GPHN: variants seen among roughly 807,000 people sequenced by gnomAD.
The protein encoded by GPHN is gephyrin.
In GPHN, 17 loss-of-function variants were observed where a neutral mutation model predicts 95.5. The observed-to-expected ratio is 0.18, with a 90% CI of 0.12 to 0.27. The LOEUF is 0.27. Ranked by LOEUF, GPHN falls within the 10% of genes least tolerant of loss-of-function variation. The probability of loss-of-function intolerance (pLI) is 1.00; values close to 1 mark genes in which losing one functional copy is unlikely to be tolerated. For synonymous variants in GPHN, 320 were observed against 322.5 expected (o/e 0.99, Z 0.08); for missense variants, 660 against 978.1 (o/e 0.67, Z 4.34).
At chr14:67,020,863 G>A (rs570577742) in intron 9 of GPHN, among the ~76,000 whole-genome samples, 3 of 152,092 alleles carry the variant, frequency 2.0e-5, no homozygotes, top group Admixed American at 2.0e-4. Flanking sequence ...TTTAACGTTA[G>A]GCCAAAAACT....
the GPHN span, chr14:67,302,514 A>G: frequency 6.3e-7 from 1 of 1,594,878 alleles, no homozygotes; most frequent in East Asian, 2.3e-5. Flanking sequence ...ATGAAGTTCT[A>G]GAGATTAATG....
the GPHN span, among the ~76,000 whole-genome samples, chr14:67,396,130 G>GT: frequency 1.3e-5 from 2 of 151,778 alleles, no homozygotes; most frequent in Non-Finnish European, 2.9e-5. Context: ...AGGTCGCTTT[G>GT]TTTTTTTGTT....
chr14:67,540,414 C>T, the GPHN span, among the ~76,000 whole-genome samples: 3 of 151,932 alleles, frequency 2.0e-5, no homozygotes, highest in East Asian at 3.9e-4. Context: ...TCACTTGAGG[C>T]CAGGAGTTCA....
the GPHN span, among the ~76,000 whole-genome samples, chr14:67,517,986 A>G: frequency 1.3e-5 from 2 of 152,208 alleles, no homozygotes; most frequent in Non-Finnish European, 2.9e-5. Flanking sequence ...CATCTGTAAC[A>G]GTAAGGGGCC....
intron 1 of GPHN, among the ~76,000 whole-genome samples, chr14:66,574,295 CT>C (rs1236768903): frequency 2.0e-5 from 3 of 152,182 alleles, no homozygotes; most frequent in East Asian, 1.9e-4. Context: ...CTAACTTCTC[CT>C]TTCCCCCACA....
intron 9 of GPHN, among the ~76,000 whole-genome samples, chr14:67,010,709 T>C (rs1262870213): frequency 3.3e-5 from 5 of 152,128 alleles, no homozygotes; most frequent in Admixed American, 3.3e-4. Context: ...AAAGCTCTAA[T>C]GGATGAGTTT....
the GPHN span, chr14:67,570,397 G>A: frequency 2.1e-6 from 1 of 469,778 alleles, no homozygotes; most frequent in Non-Finnish European, 2.8e-6. Context: ...AAATCAGATA[G>A]AATTGCAATA....
the GPHN span, chr14:67,587,738 G>C: frequency 6.1e-6 from 1 of 164,210 alleles, no homozygotes; most frequent in Non-Finnish European, 1.3e-5. Context: ...AGTAGAGACG[G>C]GGTTTCACCA....
chr14:66,800,515 A>G (rs1308426925), intron 3 of GPHN, among the ~76,000 whole-genome samples: 1 of 152,102 alleles, frequency 6.6e-6, no homozygotes, highest in African/African-American at 2.4e-5. Context: ...TTCTTGGTCT[A>G]TAAGGTTTCC....
chr14:67,203,324 T>G, the GPHN span: 1 of 1,517,172 alleles, frequency 6.6e-7, no homozygotes, highest in Non-Finnish European at 8.9e-7. Flanking sequence ...GTTAAAGATC[T>G]CTCAGAAGAT....
At chr14:66,572,074 T>A (rs1379016969) in intron 1 of GPHN, among the ~76,000 whole-genome samples, 1 of 152,226 alleles carries the variant, frequency 6.6e-6, no homozygotes, top group Non-Finnish European at 1.5e-5. Flanking sequence ...CAAAAATCGG[T>A]TGACTTATTT....
the GPHN span, chr14:67,615,445 T>A: frequency 3.7e-6 from 1 of 267,706 alleles, no homozygotes. Context: ...GGATGGGCCC[T>A]AGGCAACTCT....
chr14:67,530,326 T>C, the GPHN span, among the ~76,000 whole-genome samples: 6 of 152,188 alleles, frequency 3.9e-5, no homozygotes, highest in African/African-American at 2.4e-5. Context: ...TCAGAAACCT[T>C]AAGCAACTGC....
At chr14:67,036,340 C>T (rs2074420247) in intron 10 of GPHN, among the ~76,000 whole-genome samples, 1 of 150,814 alleles carries the variant, frequency 6.6e-6, no homozygotes, top group Non-Finnish European at 1.5e-5. Flanking sequence ...ATTTTTGCCA[C>T]TTCTTTTTAG....
chr14:66,575,510 G>A (rs534496952), intron 1 of GPHN, among the ~76,000 whole-genome samples: 12 of 152,316 alleles, frequency 7.9e-5, no homozygotes, highest in African/African-American at 2.6e-4. Flanking sequence ...TTTGACAGAA[G>A]AAGCTCTTTA....
At chr14:66,989,420 G>C (rs2071249321) in intron 9 of GPHN, among the ~76,000 whole-genome samples, 1 of 151,804 alleles carries the variant, frequency 6.6e-6, no homozygotes, top group African/African-American at 2.4e-5. Context: ...GAGACTTGCT[G>C]ATTTCTGTAT....
At chr14:66,771,790 T>C (rs1595854570) in intron 2 of GPHN, among the ~76,000 whole-genome samples, 1 of 142,508 alleles carries the variant, frequency 7.0e-6, no homozygotes. Context: ...GTGATCTCAT[T>C]GTTCAATTCG....
intron 4 of GPHN, among the ~76,000 whole-genome samples, chr14:66,826,031 T>C (rs1020197256): frequency 2.0e-5 from 3 of 152,210 alleles, no homozygotes; most frequent in Admixed American, 2.0e-4. Context: ...TTTTAGTAAA[T>C]CACTTTGCGT....
the GPHN span, chr14:67,279,538 G>T: frequency 7.2e-6 from 11 of 1,520,908 alleles, no homozygotes; most frequent in Non-Finnish European, 9.7e-6. Context: ...AAAATATTAG[G>T]TAAGTAAAAA....
Sources: allele counts gnomAD v4.1 joint callset (sites outside exome capture counted in the v4.1 genomes callset), GRCh38; gene constraint gnomAD v4.1.1; transcripts MANE v1.5; gene names NCBI Gene and HGNC (gene_info 2026-07-23, HGNC 2026-07-21).